The following NELL1 variants were observed in gnomAD, a reference collection of about 807,000 sequenced individuals.
The protein encoded by NELL1 is protein kinase C-binding protein NELL1.
NELL1 carries 76 observed loss-of-function variants against 107.4 expected under a neutral mutation model. The ratio of observed to expected loss-of-function variants is 0.71; its 90% CI spans 0.59 to 0.86. The LOEUF (loss-of-function observed/expected upper bound fraction) is 0.86. Among genes scored for constraint, NELL1 ranks in the 40% least tolerant of loss-of-function variants. NELL1 has a pLI of 0.00. For missense variants in NELL1, 1,024 were observed against 1,005.5 expected (o/e 1.02, Z -0.25); for synonymous variants, 353 against 341.2 (o/e 1.03, Z -0.38).
chr11:21,066,063 T>C (rs912572338), intron 12 of NELL1, among the ~76,000 whole-genome samples: 3 of 152,232 alleles, frequency 2.0e-5, no homozygotes, highest in Non-Finnish European at 2.9e-5. Flanking sequence ...ATGAATACGG[T>C]TCATCAGATT....
At chr11:21,539,636 G>GT (rs1431846527) in intron 16 of NELL1, among the ~76,000 whole-genome samples, 4 of 151,190 alleles carry the variant, frequency 2.6e-5, no homozygotes, top group Non-Finnish European at 5.9e-5. Context: ...ACATTCAGAT[G>GT]CTCCTTCTCT....
chr11:21,187,162 TAA>T (rs1180194356), intron 13 of NELL1, among the ~76,000 whole-genome samples: 1 of 151,816 alleles, frequency 6.6e-6, no homozygotes, highest in Non-Finnish European at 1.5e-5. Context: ...TTGAAATAAT[TAA>T]AAGTCACTGG....
intron 15 of NELL1, among the ~76,000 whole-genome samples, chr11:21,396,540 A>G (rs773445187): frequency 2.6e-5 from 4 of 151,642 alleles, no homozygotes; most frequent in Non-Finnish European, 3.0e-5. Flanking sequence ...TGTCACGTCA[A>G]TGGTTTCTGA....
chr11:20,990,049 C>T (rs553251063), intron 12 of NELL1, among the ~76,000 whole-genome samples: 2 of 152,060 alleles, frequency 1.3e-5, no homozygotes, highest in African/African-American at 4.8e-5. Context: ...GTTTCATACC[C>T]AATTTAAAGC....
At chr11:21,140,383 A>G (rs1420276309) in intron 13 of NELL1, among the ~76,000 whole-genome samples, 4 of 152,358 alleles carry the variant, frequency 2.6e-5, no homozygotes, top group Admixed American at 1.3e-4. Flanking sequence ...ATAGGATGGG[A>G]ATACAAATGT....
At chr11:20,746,443 T>A (rs1210321794) in intron 2 of NELL1, among the ~76,000 whole-genome samples, 1 of 152,160 alleles carries the variant, frequency 6.6e-6, no homozygotes, top group Non-Finnish European at 1.5e-5. Flanking sequence ...TTCTAATCTG[T>A]AAGATGGAGA....
At chr11:21,447,324 C>G (rs1431802577) in intron 15 of NELL1, among the ~76,000 whole-genome samples, 1 of 152,050 alleles carries the variant, frequency 6.6e-6, no homozygotes, top group Non-Finnish European at 1.5e-5. Flanking sequence ...CTTCCCTCAC[C>G]TTTTCTCAAG....
chr11:20,931,398 A>G (rs1200471211), intron 9 of NELL1, among the ~76,000 whole-genome samples: 1 of 152,210 alleles, frequency 6.6e-6, no homozygotes, highest in Non-Finnish European at 1.5e-5. Flanking sequence ...GATGTTTCCA[A>G]TGTCTTCACA....
chr11:20,980,425 G>A (rs777498686), intron 12 of NELL1, among the ~76,000 whole-genome samples: 1 of 152,118 alleles, frequency 6.6e-6, no homozygotes, highest in Non-Finnish European at 1.5e-5. Context: ...TGAATGTGGT[G>A]AGCTGCAGTT....
chr11:21,020,076 A>T (rs905983580), intron 12 of NELL1, among the ~76,000 whole-genome samples: 1 of 152,138 alleles, frequency 6.6e-6, no homozygotes, highest in Non-Finnish European at 1.5e-5. Context: ...ACTAAACTAT[A>T]CAATGGAGAT....
At chr11:21,178,725 C>T (rs1856761913) in intron 13 of NELL1, among the ~76,000 whole-genome samples, 1 of 150,658 alleles carries the variant, frequency 6.6e-6, no homozygotes, top group South Asian at 2.1e-4. Context: ...GACCACACTA[C>T]TGCACTCCAG....
At chr11:20,863,474 G>A (rs1300617348) in intron 4 of NELL1, among the ~76,000 whole-genome samples, 7 of 140,568 alleles carry the variant, frequency 5.0e-5, no homozygotes, top group Admixed American at 3.6e-4. Context: ...CAGACGGGGC[G>A]GCCGGGCAGA....
intron 5 of NELL1, among the ~76,000 whole-genome samples, chr11:20,893,393 A>T (rs1170635988): frequency 1.3e-5 from 2 of 151,608 alleles, no homozygotes; most frequent in Non-Finnish European, 2.9e-5. Flanking sequence ...TAAATAAAAA[A>T]ATAATTAAAA....
intron 11 of NELL1, among the ~76,000 whole-genome samples, chr11:20,959,663 A>AG (rs1564987077): frequency 6.6e-6 from 1 of 152,170 alleles, no homozygotes. Context: ...TTAGGAATTT[A>AG]GGGGGAAAGG....
At chr11:20,705,658 G>C (rs1394131241) in intron 2 of NELL1, among the ~76,000 whole-genome samples, 1 of 143,094 alleles carries the variant, frequency 7.0e-6, no homozygotes, top group East Asian at 1.9e-4. Context: ...AGCCAAAATT[G>C]ACAAATGGGA....
chr11:21,479,863 A>G (rs2133898131), intron 15 of NELL1, among the ~76,000 whole-genome samples: 1 of 151,728 alleles, frequency 6.6e-6, no homozygotes, highest in South Asian at 2.1e-4. Context: ...ATAAACTTCA[A>G]ATTCTCCTTC....
At chr11:20,900,405 GCTA>G (rs1849847188) in intron 5 of NELL1, among the ~76,000 whole-genome samples, 1 of 152,120 alleles carries the variant, frequency 6.6e-6, no homozygotes, top group Admixed American at 6.5e-5. Flanking sequence ...GATGGGATAT[GCTA>G]CAAATTCACA....
intron 3 of NELL1, among the ~76,000 whole-genome samples, chr11:20,828,852 G>A (rs567538263): frequency 6.6e-6 from 1 of 152,158 alleles, no homozygotes; most frequent in Admixed American, 6.6e-5. Flanking sequence ...GATGGCTTCT[G>A]TTAATTTATT....
chr11:20,995,352 C>T (rs572893260), intron 12 of NELL1, among the ~76,000 whole-genome samples: 5 of 152,120 alleles, frequency 3.3e-5, no homozygotes, highest in South Asian at 4.2e-4. Flanking sequence ...GAGGCTGAGG[C>T]GGGCAGATCA....
Sources: allele counts gnomAD v4.1 joint callset (sites outside exome capture counted in the v4.1 genomes callset), GRCh38; gene constraint gnomAD v4.1.1; transcripts MANE v1.5; gene names NCBI Gene and HGNC (gene_info 2026-07-23, HGNC 2026-07-21).